The following CPVL variants were observed in gnomAD, a reference collection of about 807,000 sequenced individuals.
CPVL encodes probable serine carboxypeptidase CPVL.
A neutral mutation model predicts 63.7 loss-of-function variants in CPVL; 51 were observed. That is an observed-to-expected ratio of 0.80 (90% CI 0.64 to 1.01). The LOEUF is 1.01. Among genes scored for constraint, CPVL ranks in the 50% least tolerant of loss-of-function variants. The pLI, the probability that CPVL is intolerant of heterozygous loss-of-function variation, is 0.00. For missense variants in CPVL, 530 were observed against 573.1 expected (o/e 0.92, Z 0.77); for synonymous variants, 195 against 206.0 (o/e 0.95, Z 0.46).
At chr7:29,037,552 C>CAAAAAAA (rs35631871) in intron 11 of CPVL, among the ~76,000 whole-genome samples, 17 of 56,226 alleles carry the variant, frequency 3.0e-4, no homozygotes, top group African/African-American at 4.9e-4. Flanking sequence ...GACTCCATCT[C>CAAAAAAA]AAAAAAAAAA....
At chr7:28,996,682 C>T (rs917338096) in intron 12 of CPVL, among the ~76,000 whole-genome samples, 13 of 151,844 alleles carry the variant, frequency 8.6e-5, no homozygotes, top group Admixed American at 3.9e-4. Context: ...ATAGCAAATT[C>T]GAAAACAATT....
chr7:29,170,445 CAT>C (rs1001576650), intron 5 of CPVL, among the ~76,000 whole-genome samples: 11 of 152,150 alleles, frequency 7.2e-5, no homozygotes, highest in African/African-American at 2.2e-4. Context: ...GAATACTGCA[CAT>C]GTTAGATTTT....
chr7:29,184,802 C>T (rs545111299), intron 3 of CPVL, among the ~76,000 whole-genome samples: 11 of 152,282 alleles, frequency 7.2e-5, no homozygotes, highest in East Asian at 3.9e-4. Context: ...ATCAAGTTGA[C>T]GCATAAAATT....
At chr7:29,155,649 A>G (rs144246792) in intron 5 of CPVL, among the ~76,000 whole-genome samples, 1 of 152,296 alleles carries the variant, frequency 6.6e-6, no homozygotes, top group Non-Finnish European at 1.5e-5. Flanking sequence ...AGCTTGGAAT[A>G]CAAGCTTTGG....
chr7:29,108,148 T>A (rs1787906112), intron 3 of CPVL, among the ~76,000 whole-genome samples: 1 of 152,188 alleles, frequency 6.6e-6, no homozygotes, highest in Non-Finnish European at 1.5e-5. Flanking sequence ...TCATAGACAC[T>A]AGATTCTCAA....
At chr7:29,124,387 C>T (rs1257151535) in intron 1 of CPVL, among the ~76,000 whole-genome samples, 1 of 152,050 alleles carries the variant, frequency 6.6e-6, no homozygotes, top group African/African-American at 2.4e-5. Context: ...AAATGTTCTT[C>T]TTAATAAATG....
At position 29,146,483 on chromosome 7, in the gene CPVL, T is replaced by A. The variant is rs1165164174; in HGVS notation, c.-65A>T. On this transcript the variant is annotated 5_prime_UTR_variant, in exon 1 of 13. Transcript: ENST00000265394. ...GCGGCGCGCAAGGACCCCAGCCGGT[T>A]GTCCTTGCAGCGCTTCCCAAATCAG... 5.6e-6 allele frequency: 8 copies of A among 1,435,296 alleles called. No individual in the cohort carries two copies. Among genetic ancestry groups the A allele is most frequent in the African/African-American group, 1.4e-5 (1 of 69,390 alleles). The allele number at this position is 1,435,296 out of a possible 1,614,324, so 88.9% of individuals were successfully genotyped here.
intron 11 of CPVL, among the ~76,000 whole-genome samples, chr7:29,060,765 TGA>T (rs1791192184): frequency 6.6e-6 from 1 of 152,174 alleles, no homozygotes; most frequent in Non-Finnish European, 1.5e-5. Context: ...TTGGCCAAAA[TGA>T]ACCCAGTACT....
At chr7:29,025,288 C>A (rs1447961692) in intron 12 of CPVL, among the ~76,000 whole-genome samples, 1 of 152,202 alleles carries the variant, frequency 6.6e-6, no homozygotes, top group Non-Finnish European at 1.5e-5. Flanking sequence ...AACATTTGCT[C>A]AGCTTCTGAT....
chr7:29,098,445 C>T (rs948335236), intron 3 of CPVL, among the ~76,000 whole-genome samples: 5 of 152,188 alleles, frequency 3.3e-5, no homozygotes, highest in South Asian at 2.1e-4. Context: ...CGCCACCTCT[C>T]GGGCTCATTC....
intron 9 of CPVL, among the ~76,000 whole-genome samples, chr7:29,069,489 C>T (rs1584164599): frequency 6.8e-6 from 1 of 146,118 alleles, no homozygotes; most frequent in Non-Finnish European, 1.5e-5. Flanking sequence ...CAAAAAATAA[C>T]ATGGGTGGTC....
chr7:29,188,601 A>G (rs1478376425), intron 1 of CPVL, among the ~76,000 whole-genome samples: 1 of 152,058 alleles, frequency 6.6e-6, no homozygotes, highest in African/African-American at 2.4e-5. Flanking sequence ...GAAAGAAATG[A>G]AAATATTGAT....
chr7:29,102,566 G>A (rs143639450), intron 3 of CPVL, among the ~76,000 whole-genome samples: 134 of 152,180 alleles, frequency 8.8e-4, no homozygotes, highest in Non-Finnish European at 1.7e-3. Context: ...AAAAGGGAAC[G>A]GACAAAAAAG....
chr7:29,094,068 C>T (rs542003584), intron 5 of CPVL, among the ~76,000 whole-genome samples: 8 of 152,282 alleles, frequency 5.3e-5, no homozygotes, highest in Admixed American at 3.3e-4. Flanking sequence ...AGGCCAAGAG[C>T]AGTAGCTCAT....
At chr7:29,142,546 A>ATTTTTTT (rs1202009014) in intron 1 of CPVL, among the ~76,000 whole-genome samples, 1 of 11,818 alleles carries the variant, frequency 8.5e-5, no homozygotes, top group African/African-American at 5.1e-4. Flanking sequence ...TTTTTTTTTG[A>ATTTTTTT]GACACAGTCT....
intron 5 of CPVL, among the ~76,000 whole-genome samples, chr7:29,167,499 T>A (rs1320690113): frequency 6.6e-6 from 1 of 152,208 alleles, no homozygotes; most frequent in Non-Finnish European, 1.5e-5. Flanking sequence ...TTGGTGCACA[T>A]ATGCAAAACT....
At chr7:29,125,596 T>TAAAAA (rs1562781972) in intron 1 of CPVL, among the ~76,000 whole-genome samples, 1 of 151,926 alleles carries the variant, frequency 6.6e-6, no homozygotes. Context: ...TTTCACCACG[T>TAAAAA]TGGCCAGGCT....
intron 1 of CPVL, among the ~76,000 whole-genome samples, chr7:29,143,151 T>C (rs1792079917): frequency 6.6e-6 from 1 of 152,212 alleles, no homozygotes; most frequent in Non-Finnish European, 1.5e-5. Context: ...TGAAATTTAA[T>C]GTCCTCCATG....
chr7:29,021,857 G>T (rs1341958714), intron 12 of CPVL, among the ~76,000 whole-genome samples: 3 of 151,890 alleles, frequency 2.0e-5, no homozygotes, highest in Non-Finnish European at 4.4e-5. Flanking sequence ...CTACATCCCT[G>T]AACCCCTGCA....
Sources: allele counts gnomAD v4.1 joint callset (sites outside exome capture counted in the v4.1 genomes callset), GRCh38; gene constraint gnomAD v4.1.1; transcripts MANE v1.5; gene names NCBI Gene and HGNC (gene_info 2026-07-23, HGNC 2026-07-21).